DNAJC24: variants seen among roughly 807,000 people sequenced by gnomAD.
DNAJC24 encodes dnaJ homolog subfamily C member 24.
In DNAJC24, 17 loss-of-function variants were observed where a neutral mutation model predicts 18.0. The ratio of observed to expected loss-of-function variants is 0.94; its 90% CI spans 0.65 to 1.42. The LOEUF is 1.42. Ranked by LOEUF, DNAJC24 falls within the 40% of genes most tolerant of loss-of-function variation. The probability of loss-of-function intolerance (pLI) is 0.00; values close to 1 mark genes in which losing one functional copy is unlikely to be tolerated. For missense variants in DNAJC24, 158 were observed against 175.6 expected (o/e 0.90, Z 0.57); for synonymous variants, 55 against 57.7 (o/e 0.95, Z 0.21).
chr11:31,432,500 C>G lies in DNAJC24; in HGVS notation c.*2099C>G. 6.2e-7 allele frequency: 1 copy of G among 1,607,180 alleles called. No homozygotes were observed. The highest frequency in any genetic ancestry group is 8.5e-7 in the Non-Finnish European group (1 of 1,174,646). On this transcript the variant is annotated 3_prime_UTR_variant, in exon 5 of 5. Transcript: ENST00000465995. Reference sequence around the variant, plus strand: ...ATCAAGTCAAAAGAATAAATGCTTACTAATCATCAGAAAATCTGTGGCCAT... The same window carrying G: ...ATCAAGTCAAAAGAATAAATGCTTAGTAATCATCAGAAAATCTGTGGCCAT...
chr11:31,427,005 T>G (rs1038334039), intron 4 of DNAJC24: 3 of 152,150 alleles, frequency 2.0e-5, no homozygotes, highest in Admixed American at 2.0e-4. Flanking sequence ...CATCATTACA[T>G]TGGGAAACAC....
chr11:31,422,372 A>T (rs888858257), intron 3 of DNAJC24, among the ~76,000 whole-genome samples: 4 of 152,178 alleles, frequency 2.6e-5, no homozygotes, highest in Non-Finnish European at 2.9e-5. Context: ...TCATTATAAG[A>T]GTATACCATA....
intron 4 of DNAJC24, chr11:31,427,978 A>AATT (rs1952880129): frequency 1.3e-5 from 2 of 150,532 alleles, no homozygotes; most frequent in African/African-American, 4.9e-5. Context: ...AAAAAAAAAA[A>AATT]TTTAAAAAAA....
chr11:31,396,627 G>A (rs1351553560), intron 2 of DNAJC24, among the ~76,000 whole-genome samples: 1 of 152,136 alleles, frequency 6.6e-6, no homozygotes, highest in African/African-American at 2.4e-5. Flanking sequence ...CAGTAGCACA[G>A]TAGTTTTTTT....
chr11:31,379,917 T>G (rs1158750098), intron 2 of DNAJC24, among the ~76,000 whole-genome samples: 1 of 151,720 alleles, frequency 6.6e-6, no homozygotes, highest in African/African-American at 2.4e-5. Flanking sequence ...GCTACCACAC[T>G]CAGCTAATTT....
chr11:31,377,313 A>G (rs1400439205), intron 2 of DNAJC24, among the ~76,000 whole-genome samples: 1 of 152,070 alleles, frequency 6.6e-6, no homozygotes, highest in Non-Finnish European at 1.5e-5. Flanking sequence ...ATGCTTACTC[A>G]GGGTCCTGAT....
chr11:31,380,523 T>C (rs981128051), intron 2 of DNAJC24, among the ~76,000 whole-genome samples: 4 of 152,214 alleles, frequency 2.6e-5, no homozygotes, highest in Admixed American at 2.6e-4. Flanking sequence ...AAGGGATTAA[T>C]ATCCCACTTT....
chr11:31,383,962 A>C (rs1391750852), intron 2 of DNAJC24, among the ~76,000 whole-genome samples: 1 of 152,242 alleles, frequency 6.6e-6, no homozygotes, highest in African/African-American at 2.4e-5. Context: ...TTTCCAGAAT[A>C]ATTTCCAGAA....
chr11:31,396,416 ATGC>A (rs1952543130), intron 2 of DNAJC24: 1 of 364,344 alleles, frequency 2.7e-6, no homozygotes, highest in Admixed American at 3.6e-5. Context: ...CCTCAATTAT[ATGC>A]AAATTTTTAT....
intron 4 of DNAJC24, 51 bp from the exon 5 acceptor site, chr11:31,430,220 T>G (rs910210589): frequency 6.5e-7 from 1 of 1,527,410 alleles, no homozygotes; most frequent in Non-Finnish European, 8.9e-7. Context: ...AGGGTATTAG[T>G]GAGGTAGTTA....
chr11:31,423,475 G>T (rs934764026), intron 3 of DNAJC24, among the ~76,000 whole-genome samples: 7 of 152,218 alleles, frequency 4.6e-5, no homozygotes, highest in Non-Finnish European at 8.8e-5. Flanking sequence ...TGGTCAGGCT[G>T]GTCTCGAACT....
intron 2 of DNAJC24, among the ~76,000 whole-genome samples, chr11:31,371,696 T>A (rs1952259516): frequency 6.6e-6 from 1 of 152,090 alleles, no homozygotes; most frequent in East Asian, 1.9e-4. Context: ...CATATCAAAG[T>A]TTGTTTCTCT....
intron 2 of DNAJC24, among the ~76,000 whole-genome samples, chr11:31,396,043 A>T (rs1485066906): frequency 6.6e-6 from 1 of 152,166 alleles, no homozygotes; most frequent in African/African-American, 2.4e-5. Flanking sequence ...CTTCTTGCCA[A>T]ACATTAATTG....
chr11:31,413,476 G>A (rs1193285797), intron 2 of DNAJC24, among the ~76,000 whole-genome samples: 8 of 151,592 alleles, frequency 5.3e-5, no homozygotes, highest in East Asian at 3.9e-4. Context: ...GATTACAGGC[G>A]CCCACCACCA....
intron 2 of DNAJC24, among the ~76,000 whole-genome samples, chr11:31,375,243 C>T (rs1473432956): frequency 7.4e-6 from 1 of 135,368 alleles, no homozygotes; most frequent in East Asian, 1.9e-4. Context: ...GCCAGATACC[C>T]TTCTGTGGCC....
At chr11:31,409,471 T>C (rs1057235162) in intron 2 of DNAJC24, among the ~76,000 whole-genome samples, 2 of 152,208 alleles carry the variant, frequency 1.3e-5, no homozygotes, top group Non-Finnish European at 2.9e-5. Context: ...TGTACCTAAA[T>C]TGGGATTTCA....
chr11:31,430,277 A>G lies in DNAJC24; in HGVS notation c.326A>G (p.His109Arg). 1 of 1,603,310 alleles carries G rather than the reference A, an allele frequency of 6.2e-7. No individual in the cohort carries two copies. The highest frequency in any genetic ancestry group is 8.5e-7 in the Non-Finnish European group (1 of 1,173,358). ...ATTTTGTTTTCTTTTGCAGGTGATC[A>G]CTCTTTTTATCTGAGTTGCAGATGT... is the stretch of plus-strand genomic sequence containing the variant. ...LEEMSWNEGD[H>R]SFYLSCRCGG... Residue 109 changes from histidine to arginine, a missense_variant, in exon 5 of 5, where the codon CAC becomes CGC. Physicochemically the swap from His to Arg is conservative, Grantham distance 29. Coordinates refer to ENST00000465995, the MANE Select transcript of DNAJC24 (RefSeq NM_181706.5).
intron 2 of DNAJC24, among the ~76,000 whole-genome samples, chr11:31,396,585 C>T (rs1022505966): frequency 6.6e-6 from 1 of 152,072 alleles, no homozygotes; most frequent in African/African-American, 2.4e-5. Context: ...TCTTCAGCAG[C>T]CTTAGTTTAG....
chr11:31,421,934 T>C (rs999961745), intron 3 of DNAJC24: 12 of 437,636 alleles, frequency 2.7e-5, no homozygotes, highest in South Asian at 1.0e-4. Flanking sequence ...TGTGAAAGAA[T>C]CTCCGTAGAT....
Sources: allele counts gnomAD v4.1 joint callset (sites outside exome capture counted in the v4.1 genomes callset), GRCh38; gene constraint gnomAD v4.1.1; transcripts MANE v1.5; gene names NCBI Gene and HGNC (gene_info 2026-07-23, HGNC 2026-07-21).